ROBO2: variants seen among roughly 807,000 people sequenced by gnomAD.
ROBO2 encodes roundabout homolog 2.
In ROBO2, 53 loss-of-function variants were observed where a neutral mutation model predicts 160.8. That is an observed-to-expected ratio of 0.33 (90% CI 0.26 to 0.41). The LOEUF is 0.41. ROBO2 is among the 10% of genes least tolerant of loss of function. The pLI, the probability that ROBO2 is intolerant of heterozygous loss-of-function variation, is 1.00. For missense variants in ROBO2, 1,577 were observed against 1,722.4 expected, an observed-to-expected ratio of 0.92 and a Z score of 1.49; for synonymous variants, 664 against 611.7, an observed-to-expected ratio of 1.09 and a Z score of -1.26.
intron 1 of ROBO2, among the ~76,000 whole-genome samples, chr3:77,048,061 A>G (rs574459560): frequency 5.3e-5 from 8 of 152,264 alleles, no homozygotes; most frequent in Admixed American, 1.3e-4. Flanking sequence ...AAAAAGATAT[A>G]TATGATGCCA....
intron 2 of ROBO2, among the ~76,000 whole-genome samples, chr3:76,994,496 C>T (rs73106490): frequency 0.18 from 27,444 of 152,030 alleles, 2,555 homozygotes; most frequent in Non-Finnish European, 0.19. Flanking sequence ...AGAATAACAA[C>T]AGTGTAATAA....
At chr3:76,125,068 G>T (rs2070918258) in intron 2 of ROBO2, among the ~76,000 whole-genome samples, 1 of 152,092 alleles carries the variant, frequency 6.6e-6, no homozygotes, top group African/African-American at 2.4e-5. Flanking sequence ...TCAGTATTTA[G>T]CTATCACCTA....
At chr3:76,567,252 G>A (rs930884589) in intron 2 of ROBO2, among the ~76,000 whole-genome samples, 1 of 152,094 alleles carries the variant, frequency 6.6e-6, no homozygotes, top group African/African-American at 2.4e-5. Flanking sequence ...TGTGTATTCA[G>A]GAGAAAATAT....
chr3:77,240,214 G>T (rs889478789), intron 2 of ROBO2, among the ~76,000 whole-genome samples: 3 of 152,184 alleles, frequency 2.0e-5, no homozygotes, highest in Admixed American at 1.3e-4. Context: ...GCAGGCTGCA[G>T]GTCCTGAGCC....
intron 2 of ROBO2, among the ~76,000 whole-genome samples, chr3:76,649,058 T>TATAGTAGGAAG (rs2091126156): frequency 6.6e-6 from 1 of 152,124 alleles, no homozygotes; most frequent in African/African-American, 2.4e-5. Context: ...TTGACTTGAT[T>TATAGTAGGAAG]TCAAATCCAG....
chr3:77,276,217 CAA>C (rs11414735), intron 2 of ROBO2, among the ~76,000 whole-genome samples: 10,989 of 143,514 alleles, frequency 0.077, 1,285 homozygotes, highest in African/African-American at 0.25. Context: ...AACAAACAAA[CAA>C]AAAAAAAAAA....
chr3:76,710,808 G>T (rs1472297361), intron 2 of ROBO2, among the ~76,000 whole-genome samples: 1 of 152,180 alleles, frequency 6.6e-6, no homozygotes, highest in Non-Finnish European at 1.5e-5. Context: ...TAACAGATAA[G>T]ATGCAATTAA....
chr3:76,281,433 C>T (rs1392567893), intron 2 of ROBO2, among the ~76,000 whole-genome samples: 1 of 151,900 alleles, frequency 6.6e-6, no homozygotes, highest in Non-Finnish European at 1.5e-5. Context: ...TTTGCAATAA[C>T]AAATTTTACT....
intron 2 of ROBO2, among the ~76,000 whole-genome samples, chr3:77,331,502 A>G (rs916196408): frequency 6.6e-6 from 1 of 152,156 alleles, no homozygotes; most frequent in African/African-American, 2.4e-5. Flanking sequence ...TCAAATTTCT[A>G]CTTGATAGCA....
chr3:76,252,257 C>T (rs1559685734), intron 2 of ROBO2, among the ~76,000 whole-genome samples: 3 of 151,974 alleles, frequency 2.0e-5, no homozygotes, highest in Non-Finnish European at 4.4e-5. Flanking sequence ...TTGGTTTGGC[C>T]AATCTAAGCC....
Position 77,142,509 on chromosome 3 carries a change from A to G in ROBO2, c.388+44169A>G, listed in dbSNP as rs1250726034. Among the ~76,000 whole-genome samples the G allele has an allele frequency of 3.3e-5, 5 of 152,292 alleles. No individual in the cohort carries two copies. In the East Asian group the frequency reaches 9.7e-4, roughly 29 times the overall value. On this transcript the variant is annotated intron_variant, in intron 2 of 25. Transcript: ENST00000461745. ...TAATCTTAAGGACATGACTATAATA[A>G]AGGCTAAAAAGCAGTTTTGTCAGGT...
intron 2 of ROBO2, among the ~76,000 whole-genome samples, chr3:76,028,951 G>T (rs1176770640): frequency 2.0e-5 from 3 of 151,984 alleles, no homozygotes; most frequent in Non-Finnish European, 4.4e-5. Flanking sequence ...CTAGTTCCTG[G>T]CAGTGATGCT....
At chr3:76,708,000 C>T (rs264559) in intron 2 of ROBO2, among the ~76,000 whole-genome samples, 9,005 of 152,092 alleles carry the variant, frequency 0.059, 337 homozygotes, top group East Asian at 0.11. Flanking sequence ...AAATGTATCA[C>T]AAGTTGGAAA....
At chr3:76,125,192 G>T (rs1394634937) in intron 2 of ROBO2, among the ~76,000 whole-genome samples, 1 of 152,032 alleles carries the variant, frequency 6.6e-6, no homozygotes, top group East Asian at 1.9e-4. Flanking sequence ...CTTTTTTATG[G>T]CTGTGTAATA....
intron 2 of ROBO2, among the ~76,000 whole-genome samples, chr3:77,258,697 C>G (rs1435177772): frequency 6.6e-6 from 1 of 151,836 alleles, no homozygotes; most frequent in Non-Finnish European, 1.5e-5. Flanking sequence ...TTTGCTGATC[C>G]TCTTCTTTTA....
At chr3:76,350,730 C>T (rs1249257332) in intron 2 of ROBO2, among the ~76,000 whole-genome samples, 1 of 151,870 alleles carries the variant, frequency 6.6e-6, no homozygotes, top group African/African-American at 2.4e-5. Context: ...TTTTAAAAGA[C>T]TTACTGTCTA....
intron 2 of ROBO2, among the ~76,000 whole-genome samples, chr3:76,974,496 A>G (rs1206963220): frequency 6.6e-6 from 1 of 152,164 alleles, no homozygotes; most frequent in Non-Finnish European, 1.5e-5. Flanking sequence ...GCCAAGGTCA[A>G]TTACCTAGCA....
At position 76,694,814 on chromosome 3, in the gene ROBO2, A is replaced by G. The variant is rs191059603; in HGVS notation, c.110-403200A>G. ...ATGTTATCCTTTCATAATTAGTATT[A>G]TGATACCTTAGTTTTATCTTCTTTT... is the stretch of plus-strand genomic sequence containing the variant. On this transcript the variant is annotated intron_variant, in intron 2 of 26. Coordinates refer to the ROBO2 transcript ENST00000487694. Among the ~76,000 whole-genome samples, 295 of 152,288 alleles carry G rather than the reference A, an allele frequency of 1.9e-3. 3 individuals carry two copies. Among genetic ancestry groups the G allele is most frequent in the Middle Eastern group, 3.4e-3 (1 of 294 alleles).
Position 76,854,895 on chromosome 3 carries a change from A to G in ROBO2, c.110-243119A>G, listed in dbSNP as rs1480380794. 2.0e-5 allele frequency among the ~76,000 whole-genome samples: 3 copies of G among 152,306 alleles called. No homozygotes were observed. In the East Asian group the frequency reaches 5.8e-4, roughly 29 times the overall value. On this transcript the variant is annotated intron_variant, in intron 2 of 26. Coordinates refer to the ROBO2 transcript ENST00000487694. ...TGTTGGAGCCTAGAAGGTAAGCCAA[A>G]AAATATCCGAACCAAAAGAACCTAA...
Sources: gnomAD v4.1 joint callset for allele counts (sites outside exome capture counted in the v4.1 genomes callset) on GRCh38, gnomAD v4.1.1 for gene constraint, MANE v1.5 for transcripts, NCBI Gene and HGNC (gene_info 2026-07-23, HGNC 2026-07-21) for gene names.